NTM: variants seen among roughly 807,000 people sequenced by gnomAD.
NTM encodes the protein IgLON family member 2.
NTM carries 13 observed loss-of-function variants against 42.1 expected under a neutral mutation model. The ratio of observed to expected loss-of-function variants is 0.31; its 90% CI spans 0.20 to 0.49. The LOEUF (loss-of-function observed/expected upper bound fraction) is 0.49, where lower values mean the gene tolerates loss of function less well. Among genes scored for constraint, NTM ranks in the 20% least tolerant of loss-of-function variants. NTM has a pLI of 0.99. For synonymous variants in NTM, 187 were observed against 179.2 expected, an observed-to-expected ratio of 1.04 and a Z score of -0.35; for missense variants, 373 against 452.8, an observed-to-expected ratio of 0.82 and a Z score of 1.60.
chr11:132,319,567 G>T (rs1427571436), intron 7 of NTM, among the ~76,000 whole-genome samples: 3 of 152,240 alleles, frequency 2.0e-5, no homozygotes, highest in African/African-American at 7.2e-5. Context: ...AGCAAGGCTG[G>T]GGGAGGGGCG....
At chr11:131,920,158 G>T (rs1409890918) in intron 2 of NTM, among the ~76,000 whole-genome samples, 1 of 152,206 alleles carries the variant, frequency 6.6e-6, no homozygotes, top group Non-Finnish European at 1.5e-5. Flanking sequence ...ATTTCGGAGT[G>T]CCAGACCCCT....
At chr11:131,616,933 C>T (rs151084925) in intron 1 of NTM, among the ~76,000 whole-genome samples, 2 of 152,216 alleles carry the variant, frequency 1.3e-5, no homozygotes, top group African/African-American at 2.4e-5. Context: ...AGCAAATTGA[C>T]CTTGAAATAA....
intron 2 of NTM, among the ~76,000 whole-genome samples, chr11:132,068,309 A>G (rs1424587057): frequency 6.6e-6 from 1 of 152,260 alleles, no homozygotes; most frequent in Non-Finnish European, 1.5e-5. Flanking sequence ...AGAAGAAACC[A>G]GGCTGCACCT....
intron 2 of NTM, among the ~76,000 whole-genome samples, chr11:131,926,812 C>T (rs1273085587): frequency 6.6e-6 from 1 of 152,206 alleles, no homozygotes; most frequent in Non-Finnish European, 1.5e-5. Context: ...CACACACATC[C>T]AGCCGCGAGG....
chr11:131,660,491 C>G, intron 1 of NTM: 1 of 457,452 alleles, frequency 2.2e-6, no homozygotes, highest in Non-Finnish European at 4.4e-6. Flanking sequence ...ACCTTCCTCC[C>G]TCCTCCCGAG....
chr11:132,248,904 T>C (rs1014291849), intron 4 of NTM, among the ~76,000 whole-genome samples: 4 of 152,204 alleles, frequency 2.6e-5, no homozygotes, highest in African/African-American at 9.6e-5. Flanking sequence ...CAGGGACTTC[T>C]TTCCCGGGGG....
chr11:131,499,656 C>G (rs1447327946), intron 1 of NTM, among the ~76,000 whole-genome samples: 1 of 150,286 alleles, frequency 6.7e-6, no homozygotes, highest in Non-Finnish European at 1.5e-5. Context: ...CCCTGTGACT[C>G]CTCCAGTCTC....
chr11:131,419,538 G>A (rs1278767756), intron 1 of NTM, among the ~76,000 whole-genome samples: 1 of 152,158 alleles, frequency 6.6e-6, no homozygotes, highest in African/African-American at 2.4e-5. Flanking sequence ...GCAGAATGAG[G>A]GGAGGCAGTG....
intron 1 of NTM, among the ~76,000 whole-genome samples, chr11:131,412,132 T>G (rs1032010016): frequency 6.6e-6 from 1 of 152,180 alleles, no homozygotes; most frequent in Non-Finnish European, 1.5e-5. Flanking sequence ...CTATACATTT[T>G]CCTCACCCTT....
At chr11:131,927,113 C>T (rs1042626111) in intron 2 of NTM, among the ~76,000 whole-genome samples, 12 of 152,150 alleles carry the variant, frequency 7.9e-5, no homozygotes, top group African/African-American at 2.9e-4. Context: ...GCACATATTT[C>T]ATCTCTCTAT....
At chr11:131,443,598 C>T (rs1440235017) in intron 1 of NTM, among the ~76,000 whole-genome samples, 2 of 152,134 alleles carry the variant, frequency 1.3e-5, no homozygotes, top group South Asian at 4.1e-4. Context: ...CCAGTGGTCC[C>T]CATTGACTGA....
intron 1 of NTM, among the ~76,000 whole-genome samples, chr11:131,380,209 A>AG (rs1942482970): frequency 7.4e-6 from 1 of 135,690 alleles, no homozygotes; most frequent in African/African-American, 3.0e-5. Context: ...CTTTCCTTTG[A>AG]GTCTTTTTTT....
intron 3 of NTM, among the ~76,000 whole-genome samples, chr11:132,160,925 T>C (rs964611599): frequency 2.0e-5 from 3 of 152,202 alleles, no homozygotes; most frequent in African/African-American, 7.2e-5. Flanking sequence ...CCACGGCAGA[T>C]GGCCCAGGGC....
intron 1 of NTM, among the ~76,000 whole-genome samples, chr11:131,736,571 C>A (rs1373996158): frequency 1.3e-5 from 2 of 152,160 alleles, no homozygotes; most frequent in African/African-American, 4.8e-5. Flanking sequence ...ACTTTCTGTT[C>A]CATCTTATTT....
At chr11:131,722,527 G>A (rs2078490272) in intron 1 of NTM, among the ~76,000 whole-genome samples, 1 of 152,186 alleles carries the variant, frequency 6.6e-6, no homozygotes, top group African/African-American at 2.4e-5. Flanking sequence ...TAATCTCTAC[G>A]GAGGGTGAAG....
chr11:131,490,010 T>C (rs1404509139), intron 1 of NTM, among the ~76,000 whole-genome samples: 1 of 152,170 alleles, frequency 6.6e-6, no homozygotes, highest in Non-Finnish European at 1.5e-5. Context: ...TGGTAGAAGA[T>C]GAAAGGGAGC....
intron 1 of NTM, among the ~76,000 whole-genome samples, chr11:131,397,919 A>T (rs1302082217): frequency 1.3e-5 from 2 of 152,188 alleles, no homozygotes; most frequent in African/African-American, 4.8e-5. Context: ...TGAGAATGCA[A>T]TAAAATCTGC....
rs146495361 is a variant in NTM, at chr11:131,548,850, C to T, written c.82+177962C>T. On this transcript the variant is annotated intron_variant, in intron 1 of 8. Transcript: ENST00000683400. ...ATATTTAAGGTCAGTTACCAAATAC[C>T]TGGGAATTGGGGACACTGAGACAGA... Among the ~76,000 whole-genome samples, 1,166 of 152,232 alleles carry T rather than the reference C, an allele frequency of 7.7e-3. 10 individuals are homozygous for T. Among genetic ancestry groups the T allele is most frequent in the Non-Finnish European group, 0.013 (887 of 68,018 alleles).
At chr11:132,147,644 T>C (rs913803892) in intron 3 of NTM, among the ~76,000 whole-genome samples, 8 of 152,104 alleles carry the variant, frequency 5.3e-5, no homozygotes, top group African/African-American at 1.9e-4. Context: ...ATGTCAGCAG[T>C]ATAGCCCCTG....
Sources: allele counts gnomAD v4.1 joint callset (sites outside exome capture counted in the v4.1 genomes callset), GRCh38; gene constraint gnomAD v4.1.1; transcripts MANE v1.5; gene names NCBI Gene and HGNC (gene_info 2026-07-23, HGNC 2026-07-21).